Variants in WWC1 observed in about 807,000 individuals in gnomAD.
The protein encoded by WWC1 is protein KIBRA.
Under a neutral mutation model 138.4 loss-of-function variants are expected in WWC1, and 55 were observed. The ratio of observed to expected loss-of-function variants is 0.40; its 90% CI spans 0.32 to 0.50. The LOEUF is 0.50. WWC1 is among the 20% of genes least tolerant of loss of function. The pLI, the probability that WWC1 is intolerant of heterozygous loss-of-function variation, is 0.72. For synonymous variants in WWC1, 524 were observed against 564.9 expected (o/e 0.93, Z 1.03); for missense variants, 1,226 against 1,420.4 (o/e 0.86, Z 2.20).
At chr5:168,405,623 T>G (rs1779723006) in intron 5 of WWC1, among the ~76,000 whole-genome samples, 1 of 151,386 alleles carries the variant, frequency 6.6e-6, no homozygotes, top group Non-Finnish European at 1.5e-5. Flanking sequence ...TAAGAGCTGA[T>G]GTTTAGAGGA....
chr5:168,442,563 G>A (rs1003816453), intron 16 of WWC1, among the ~76,000 whole-genome samples: 2 of 151,182 alleles, frequency 1.3e-5, no homozygotes, highest in Admixed American at 6.6e-5. Flanking sequence ...TTGGCCGGGC[G>A]TGGTGACTCA....
chr5:168,366,304 G>A (rs779559098), intron 1 of WWC1, among the ~76,000 whole-genome samples: 6 of 152,100 alleles, frequency 3.9e-5, no homozygotes, highest in Non-Finnish European at 7.3e-5. Context: ...CATTTGTTCC[G>A]GAGAGAATCT....
chr5:168,346,378 C>CT (rs1247394086), intron 1 of WWC1, among the ~76,000 whole-genome samples: 2 of 152,170 alleles, frequency 1.3e-5, no homozygotes, highest in Non-Finnish European at 2.9e-5. Flanking sequence ...AAAACAGCAG[C>CT]TGCAGATGTA....
At chr5:168,436,705 T>C (rs994707689) in intron 15 of WWC1, among the ~76,000 whole-genome samples, 12 of 151,820 alleles carry the variant, frequency 7.9e-5, no homozygotes. Context: ...CCTTAACCCC[T>C]CTCTTTCCCT....
intron 21 of WWC1, among the ~76,000 whole-genome samples, chr5:168,467,489 A>C (rs1041666061): frequency 6.6e-6 from 1 of 152,150 alleles, no homozygotes; most frequent in African/African-American, 2.4e-5. Flanking sequence ...TCTGACATTA[A>C]AGAAATTTCT....
intron 5 of WWC1, 86 bp downstream of exon 5, chr5:168,399,653 C>A: frequency 8.0e-7 from 1 of 1,254,354 alleles, no homozygotes; most frequent in South Asian, 1.3e-5. Flanking sequence ...CTCCTTCAGT[C>A]CCTTTCCTCC....
At chr5:168,383,088 A>T (rs1777768898) in intron 2 of WWC1, among the ~76,000 whole-genome samples, 1 of 151,964 alleles carries the variant, frequency 6.6e-6, no homozygotes, top group Non-Finnish European at 1.5e-5. Flanking sequence ...AGGCAGGGAT[A>T]ATTACTGGAA....
intron 1 of WWC1, among the ~76,000 whole-genome samples, chr5:168,357,450 G>C (rs1031579079): frequency 4.7e-5 from 1 of 21,310 alleles, no homozygotes; most frequent in African/African-American, 9.2e-5. Flanking sequence ...CCTGCCTTCT[G>C]TGTGTGTGTG....
At chr5:168,419,642 C>A (rs112994147) in intron 9 of WWC1, among the ~76,000 whole-genome samples, 2,264 of 152,308 alleles carry the variant, frequency 0.015, 66 homozygotes, top group African/African-American at 0.051. Context: ...CTTTCTGATG[C>A]AGGTAGTCTG....
intron 17 of WWC1, among the ~76,000 whole-genome samples, chr5:168,446,084 A>G (rs1755233583): frequency 7.2e-6 from 1 of 138,516 alleles, no homozygotes; most frequent in South Asian, 2.7e-4. Context: ...TTCTGTTACT[A>G]ACGGAGAAAG....
intron 1 of WWC1, among the ~76,000 whole-genome samples, chr5:168,304,621 T>C (rs1770384802): frequency 6.6e-6 from 1 of 152,012 alleles, no homozygotes. Flanking sequence ...TCAGAAACTC[T>C]GGGGGTACAG....
chr5:168,391,147 G>A (rs909966813), intron 3 of WWC1, among the ~76,000 whole-genome samples: 1 of 152,234 alleles, frequency 6.6e-6, no homozygotes, highest in Non-Finnish European at 1.5e-5. Context: ...GAACTCAAGA[G>A]AGCTGGGTTC....
intron 20 of WWC1, among the ~76,000 whole-genome samples, chr5:168,464,328 G>A (rs909708631): frequency 6.6e-6 from 1 of 152,142 alleles, no homozygotes; most frequent in African/African-American, 2.4e-5. Flanking sequence ...CATATGGAGG[G>A]TGCTGAGAGT....
chr5:168,460,781 C>T (rs1243231338), intron 20 of WWC1, 39 bp downstream of exon 20: 3 of 1,602,570 alleles, frequency 1.9e-6, no homozygotes, highest in Non-Finnish European at 2.6e-6. Flanking sequence ...CTGCCTGCTC[C>T]TCCCTCGTTG....
chr5:168,423,604 T>C lies in WWC1; in HGVS notation c.1346T>C (p.Leu449Pro). ...PGSLTSSRGS[L>P]VASSLDSSTS... The stretch of plus-strand genomic sequence containing the variant: ...TCCCTCACGTCCAGCCGGGGCTCCC[T>C]GGTTGCATCCAGCCTGGACTCCTCC... The change falls in exon 11 of 23, where the codon CTG becomes CCG. Residue 449 changes from leucine to proline, a missense_variant. Around this residue, in one of 3 missense-constraint regions of WWC1, gnomAD observed 1,016 missense variants for 1,153.9 expected, o/e 0.88. Coordinates refer to ENST00000265293, the MANE Select transcript of WWC1 (RefSeq NM_015238.3). The C allele has an allele frequency of 1.2e-6, 2 of 1,614,102 alleles. No homozygotes were observed. The highest frequency in any genetic ancestry group is 1.7e-6 in the Non-Finnish European group (2 of 1,180,016).
chr5:168,323,283 C>T (rs1422085381), intron 1 of WWC1, among the ~76,000 whole-genome samples: 1 of 152,164 alleles, frequency 6.6e-6, no homozygotes. Flanking sequence ...CAGTGGCTCA[C>T]ACCTGTAACC....
Position 168,464,836 on chromosome 5 carries a change from G to T in WWC1, c.3024G>T (p.Glu1008Asp). ...TRTWHSQLTQ[E>D]ISVLKELKEQ... is the part of the protein sequence containing the mutation. Reference sequence around the variant, plus strand: ...CCTGGCACAGCCAATTGACCCAGGAGATCTCGGTGCTGAAGGAGCTCAAGG... The same window carrying T: ...CCTGGCACAGCCAATTGACCCAGGATATCTCGGTGCTGAAGGAGCTCAAGG... Residue 1008 changes from glutamate (E) to aspartate (D), a missense_variant, in exon 21 of 23, where the codon GAG becomes GAT. Transcript: ENST00000265293. 1 of 1,614,244 alleles carries T rather than the reference G, an allele frequency of 6.2e-7. No individual in the cohort carries two copies. The highest frequency in any genetic ancestry group is 1.1e-5 in the South Asian group (1 of 91,080).
chr5:168,426,928 G>A (rs1165430832), intron 11 of WWC1, among the ~76,000 whole-genome samples: 1 of 152,218 alleles, frequency 6.6e-6, no homozygotes, highest in Non-Finnish European at 1.5e-5. Context: ...CAATGGGCCT[G>A]GCACATCGTG....
intron 1 of WWC1, among the ~76,000 whole-genome samples, chr5:168,366,196 TGTGA>T (rs748641440): frequency 6.6e-6 from 1 of 152,234 alleles, no homozygotes; most frequent in Non-Finnish European, 1.5e-5. Flanking sequence ...TGTATGTATG[TGTGA>T]GTGTGTCTGT....
Sources: gnomAD v4.1 joint callset for allele counts (sites outside exome capture counted in the v4.1 genomes callset) on GRCh38, gnomAD v4.1.1 for gene constraint, gnomAD v4.1.1 regional missense constraint, MANE v1.5 for transcripts, NCBI Gene and HGNC (gene_info 2026-07-23, HGNC 2026-07-21) for gene names.